Variants in CD48 observed in about 807,000 individuals in gnomAD.
The protein encoded by CD48 is CD48 antigen.
In CD48, 20 loss-of-function variants were observed where a neutral mutation model predicts 22.0. The observed-to-expected ratio is 0.91, with a 90% CI of 0.64 to 1.32. CD48 has a LOEUF of 1.32. Among genes scored for constraint, CD48 ranks in the 40% most tolerant of loss-of-function variants. The probability of loss-of-function intolerance (pLI) is 0.00; values close to 1 mark genes in which losing one functional copy is unlikely to be tolerated. For missense variants in CD48, 307 were observed against 286.5 expected (o/e 1.07, Z -0.52); for synonymous variants, 110 against 110.1 (o/e 1.00, Z 0.01).
At chr1:160,681,579 G>T in intron 2 of CD48, 111 bp from the exon 3 acceptor site, 1 of 1,345,536 alleles carries the variant, frequency 7.4e-7, no homozygotes, top group Non-Finnish European at 1.0e-6. Context: ...GCCCCAGGAG[G>T]CAGAGTCATG....
intron 2 of CD48, 136 bp downstream of exon 2, chr1:160,684,751 G>C: frequency 6.2e-7 from 1 of 1,601,250 alleles, no homozygotes; most frequent in Middle Eastern, 1.7e-4. Context: ...ATTGGATCAA[G>C]GAAAAATGAA....
At chr1:160,689,472 T>C (rs1223963689) in intron 1 of CD48, among the ~76,000 whole-genome samples, 1 of 152,158 alleles carries the variant, frequency 6.6e-6, no homozygotes, top group Non-Finnish European at 1.5e-5. Flanking sequence ...AAATAAAACC[T>C]AGTGTAAGTG....
intron 1 of CD48, chr1:160,699,684 G>C (rs979545647): frequency 4.6e-5 from 7 of 152,252 alleles, no homozygotes; most frequent in African/African-American, 1.4e-4. Flanking sequence ...GCATTGAGAT[G>C]TTTATGTGTA....
intron 1 of CD48, among the ~76,000 whole-genome samples, chr1:160,693,214 A>G (rs977153232): frequency 2.0e-5 from 3 of 152,260 alleles, no homozygotes; most frequent in African/African-American, 7.2e-5. Context: ...TTAATACAGT[A>G]AGACAAGGTT....
chr1:160,691,201 C>G (rs1420588721), intron 1 of CD48, among the ~76,000 whole-genome samples: 1 of 152,098 alleles, frequency 6.6e-6, no homozygotes, highest in East Asian at 1.9e-4. Context: ...AGCCCGACAC[C>G]CGTAAAGGGT....
chr1:160,706,223 C>T (rs891333797), intron 1 of CD48, among the ~76,000 whole-genome samples: 1 of 152,118 alleles, frequency 6.6e-6, no homozygotes, highest in Non-Finnish European at 1.5e-5. Flanking sequence ...TACAGGCATG[C>T]ACCACCACGC....
chr1:160,680,763 A>G (rs761468612), intron 3 of CD48: 14 of 1,065,020 alleles, frequency 1.3e-5, no homozygotes, highest in Non-Finnish European at 1.5e-5. Flanking sequence ...TCCCTGGCTG[A>G]CTTTGGCGGT....
At chr1:160,688,511 C>T (rs1362703401) in intron 1 of CD48, among the ~76,000 whole-genome samples, 1 of 152,180 alleles carries the variant, frequency 6.6e-6, no homozygotes, top group Non-Finnish European at 1.5e-5. Context: ...TTCCTACTAA[C>T]AGCATGTAAG....
At chr1:160,702,914 G>A (rs550289342) in intron 1 of CD48, among the ~76,000 whole-genome samples, 1 of 152,278 alleles carries the variant, frequency 6.6e-6, no homozygotes, top group South Asian at 2.1e-4. Context: ...GCTCATCAGA[G>A]ACAGATTTTT....
chr1:160,692,069 G>A (rs1347360318), intron 1 of CD48: 1 of 162,650 alleles, frequency 6.1e-6, no homozygotes, highest in Non-Finnish European at 1.3e-5. Flanking sequence ...CTAGAAGATT[G>A]GAAAAGAATT....
intron 1 of CD48, among the ~76,000 whole-genome samples, chr1:160,698,567 C>G (rs1468570655): frequency 6.6e-6 from 1 of 152,006 alleles, no homozygotes; most frequent in Admixed American, 6.5e-5. Flanking sequence ...ATTGGCAAGT[C>G]AAATTAATGA....
intron 1 of CD48, among the ~76,000 whole-genome samples, chr1:160,689,138 T>G (rs536321525): frequency 1.2e-4 from 19 of 152,290 alleles, no homozygotes; most frequent in Non-Finnish European, 1.3e-4. Context: ...AGCTGATGTT[T>G]TCGGAAGATA....
chr1:160,694,930 T>A (rs1331617674), intron 1 of CD48, among the ~76,000 whole-genome samples: 1 of 152,260 alleles, frequency 6.6e-6, no homozygotes. Context: ...GCCTTGGAAT[T>A]CTCCTGTGTT....
intron 1 of CD48, among the ~76,000 whole-genome samples, chr1:160,705,553 G>T (rs573009301): frequency 6.6e-6 from 1 of 152,322 alleles, no homozygotes; most frequent in South Asian, 2.1e-4. Flanking sequence ...ACCACAACAT[G>T]CCTGGCGCTG....
At chr1:160,701,392 T>C (rs1400741966) in intron 1 of CD48, among the ~76,000 whole-genome samples, 1 of 151,876 alleles carries the variant, frequency 6.6e-6, no homozygotes, top group Non-Finnish European at 1.5e-5. Flanking sequence ...CAGAAACCAA[T>C]TGATTTAAAG....
At chr1:160,684,671 A>T in intron 2 of CD48, 1 of 1,402,852 alleles carries the variant, frequency 7.1e-7, no homozygotes, top group South Asian at 1.5e-5. Context: ...CACTAACTTC[A>T]GAAGAGGTGT....
Position 160,701,225 on chromosome 1 carries a change from T to C in CD48, c.82+10457A>G, listed in dbSNP as rs567225827. 0.023 allele frequency among the ~76,000 whole-genome samples: 3 copies of C among 130 alleles called. No individual in the cohort carries two copies. The South Asian group carries it at 0.5, about 22-fold the overall frequency. 0.1% of individuals were successfully genotyped at this position (130 alleles called of 152,430 possible). A position where few individuals can be genotyped will look rare whatever the true frequency, so the allele number is the denominator to read the frequency against. On this transcript the variant is annotated intron_variant, in intron 1 of 3. Coordinates refer to ENST00000368046, the MANE Select transcript of CD48 (RefSeq NM_001778.4). ...ACTATGAGAGGCTAATTTTTAGGTATTAAAGCCAGGTTGGACGGCCCCCAT... is the reference window on the plus strand; with the variant it reads ...ACTATGAGAGGCTAATTTTTAGGTACTAAAGCCAGGTTGGACGGCCCCCAT...
At chr1:160,694,251 G>A (rs1051208857) in intron 1 of CD48, among the ~76,000 whole-genome samples, 81 of 151,600 alleles carry the variant, frequency 5.3e-4, no homozygotes, top group Admixed American at 2.0e-4. Flanking sequence ...AGAACAGGAG[G>A]GTTTGGAAGC....
intron 1 of CD48, among the ~76,000 whole-genome samples, chr1:160,690,384 G>T (rs1662166273): frequency 6.6e-6 from 1 of 152,216 alleles, no homozygotes; most frequent in Admixed American, 6.5e-5. Context: ...TTGCCATCAA[G>T]CATTAGGAGT....
Sources: gnomAD v4.1 joint callset for allele counts (sites outside exome capture counted in the v4.1 genomes callset) on GRCh38, gnomAD v4.1.1 for gene constraint, MANE v1.5 for transcripts, NCBI Gene and HGNC (gene_info 2026-07-23, HGNC 2026-07-21) for gene names.